The following TNFSF4 variants were observed in gnomAD, a reference collection of about 807,000 sequenced individuals.
TNFSF4 encodes the protein TNF superfamily member 4.
Under a neutral mutation model 7.3 loss-of-function variants are expected in TNFSF4, and 4 were observed. The observed-to-expected ratio is 0.55, with a 90% CI of 0.27 to 1.25. The LOEUF (loss-of-function observed/expected upper bound fraction) is 1.25. TNFSF4 is among the 50% of genes most tolerant of loss of function. The pLI is 0.12. For synonymous variants in TNFSF4, 76 were observed against 83.7 expected, an observed-to-expected ratio of 0.91 and a Z score of 0.50; for missense variants, 181 against 208.8, an observed-to-expected ratio of 0.87 and a Z score of 0.82.
the TNFSF4 span, among the ~76,000 whole-genome samples, chr1:173,396,352 A>G: frequency 6.6e-6 from 1 of 152,104 alleles, no homozygotes; most frequent in African/African-American, 2.4e-5. Flanking sequence ...TCTATGAAAA[A>G]TTTTAAAAAT....
At chr1:173,260,613 C>T in the TNFSF4 span, among the ~76,000 whole-genome samples, 5 of 152,064 alleles carry the variant, frequency 3.3e-5, no homozygotes, top group Non-Finnish European at 5.9e-5. Flanking sequence ...CATGCAAAGA[C>T]ACACATAGAA....
the TNFSF4 span, among the ~76,000 whole-genome samples, chr1:173,232,453 C>A: frequency 6.6e-6 from 1 of 152,040 alleles, no homozygotes; most frequent in African/African-American, 2.4e-5. Flanking sequence ...AATTGAATAC[C>A]CTTTATTTCT....
chr1:173,340,323 TACACACACACACACACACACAC>T, the TNFSF4 span, among the ~76,000 whole-genome samples: 8 of 135,870 alleles, frequency 5.9e-5, no homozygotes, highest in Middle Eastern at 3.6e-3. Flanking sequence ...CTAATCTGTT[TACACACACACACACACACACAC>T]ACACACACAC....
intron 1 of TNFSF4, among the ~76,000 whole-genome samples, chr1:173,190,269 A>G (rs1649419676): frequency 1.3e-5 from 2 of 152,160 alleles, no homozygotes; most frequent in Admixed American, 1.3e-4. Context: ...TTTTGGCATG[A>G]CGTCCTAATC....
At chr1:173,326,565 G>A in the TNFSF4 span, among the ~76,000 whole-genome samples, 50 of 152,134 alleles carry the variant, frequency 3.3e-4, no homozygotes, top group Non-Finnish European at 8.8e-5. Flanking sequence ...TAGGAAAAGA[G>A]GAAGTCAAAT....
At chr1:173,289,817 A>G in the TNFSF4 span, among the ~76,000 whole-genome samples, 422 of 152,316 alleles carry the variant, frequency 2.8e-3, 1 homozygote, top group South Asian at 8.5e-3. Context: ...AAGATATGCA[A>G]TAGAAACCAC....
chr1:173,382,038 G>C, the TNFSF4 span, among the ~76,000 whole-genome samples: 17 of 152,262 alleles, frequency 1.1e-4, no homozygotes, highest in South Asian at 3.5e-3. Flanking sequence ...GCAGCAACCT[G>C]CTTGGGTCCC....
At chr1:173,212,189 G>A (rs1253033986), upstream of TNFSF4, among the ~76,000 whole-genome samples, 1 of 152,138 alleles carries the variant, frequency 6.6e-6, no homozygotes, top group Non-Finnish European at 1.5e-5. Context: ...CACCCCAAAA[G>A]GAGGGCATTA....
the TNFSF4 span, among the ~76,000 whole-genome samples, chr1:173,408,621 T>A: frequency 1.3e-5 from 2 of 150,172 alleles, no homozygotes; most frequent in Non-Finnish European, 3.0e-5. Flanking sequence ...TGAGACAGGG[T>A]CTCACTCCTG....
At chr1:173,211,341 T>G (rs933529441), upstream of TNFSF4, among the ~76,000 whole-genome samples, 1 of 152,210 alleles carries the variant, frequency 6.6e-6, no homozygotes, top group Non-Finnish European at 1.5e-5. Context: ...CTGGTTAATG[T>G]TTTTGTACTC....
chr1:173,448,557 G>A, the TNFSF4 span, among the ~76,000 whole-genome samples: 1 of 152,112 alleles, frequency 6.6e-6, no homozygotes, highest in Non-Finnish European at 1.5e-5. Context: ...ATAAGATTTG[G>A]GTAGGTAAAG....
chr1:173,228,550 T>C, the TNFSF4 span, among the ~76,000 whole-genome samples: 1 of 152,076 alleles, frequency 6.6e-6, no homozygotes, highest in African/African-American at 2.4e-5. Context: ...ACACAGCTCC[T>C]CGCCAGCAAT....
downstream of TNFSF4, among the ~76,000 whole-genome samples, chr1:173,181,477 T>G (rs1649054956): frequency 6.6e-6 from 1 of 152,190 alleles, no homozygotes; most frequent in South Asian, 2.1e-4. Flanking sequence ...CCTCAGTAGA[T>G]AAGCCACAAG....
chr1:173,389,993 C>A, the TNFSF4 span, among the ~76,000 whole-genome samples: 12 of 151,988 alleles, frequency 7.9e-5, no homozygotes, highest in Non-Finnish European at 1.5e-4. Flanking sequence ...GCAATTAATT[C>A]TGTGGATGTT....
chr1:173,397,631 CAG>C, the TNFSF4 span, among the ~76,000 whole-genome samples: 1 of 152,170 alleles, frequency 6.6e-6, no homozygotes, highest in African/African-American at 2.4e-5. Context: ...ATAATTGAAA[CAG>C]ATATAGTCAG....
chr1:173,275,201 C>T, the TNFSF4 span, among the ~76,000 whole-genome samples: 4 of 152,066 alleles, frequency 2.6e-5, no homozygotes, highest in Non-Finnish European at 4.4e-5. Flanking sequence ...GGGAAGGGAA[C>T]GACACAGAAC....
At chr1:173,191,908 G>A (rs553717273) in intron 1 of TNFSF4, among the ~76,000 whole-genome samples, 3 of 152,322 alleles carry the variant, frequency 2.0e-5, no homozygotes, top group Admixed American at 1.3e-4. Flanking sequence ...CAGATGCAGT[G>A]GCTGACGCTT....
upstream of TNFSF4, among the ~76,000 whole-genome samples, chr1:173,209,524 A>G (rs1409428990): frequency 6.6e-6 from 1 of 152,162 alleles, no homozygotes; most frequent in Admixed American, 6.5e-5. Context: ...TTTATTTTAG[A>G]GACAGGGTCT....
At chr1:173,238,787 C>T in the TNFSF4 span, among the ~76,000 whole-genome samples, 4 of 152,046 alleles carry the variant, frequency 2.6e-5, no homozygotes, top group African/African-American at 9.7e-5. Context: ...AAAGGGAACA[C>T]TTATACACTG....
Sources: gnomAD v4.1 joint callset for allele counts (sites outside exome capture counted in the v4.1 genomes callset) on GRCh38, gnomAD v4.1.1 for gene constraint, MANE v1.5 for transcripts, NCBI Gene and HGNC (gene_info 2026-07-23, HGNC 2026-07-21) for gene names.